SDK2: variants seen among roughly 807,000 people sequenced by gnomAD.
The protein encoded by SDK2 is sidekick cell adhesion molecule 2.
SDK2 carries 105 observed loss-of-function variants against 253.9 expected under a neutral mutation model. That is an observed-to-expected ratio of 0.41 (90% confidence interval 0.35 to 0.49). SDK2 has a LOEUF of 0.49. Ranked by LOEUF, SDK2 falls within the 20% of genes least tolerant of loss-of-function variation. The probability of loss-of-function intolerance (pLI) is 0.06; values close to 1 mark genes in which losing one functional copy is unlikely to be tolerated. For synonymous variants in SDK2, 1,249 were observed against 1,234.9 expected (o/e 1.01, Z -0.24); for missense variants, 2,608 against 3,003.0 (o/e 0.87, Z 3.07).
intron 20 of SDK2, 117 bp downstream of exon 20, chr17:73,401,537 A>G (rs1249261236): frequency 6.2e-6 from 6 of 972,230 alleles, no homozygotes; most frequent in Non-Finnish European, 8.0e-6. Context: ...TTTCTAAGAA[A>G]GCATGGGTTG....
At position 73,338,582 on chromosome 17, in the gene SDK2, T is replaced by G; in HGVS notation, c.*5A>C. The G allele has an allele frequency of 6.7e-7, 1 of 1,494,696 alleles. No homozygotes were observed. The allele number at this position is 1,494,696 out of a possible 1,614,324, so 92.6% of individuals were successfully genotyped here. On this transcript the variant is annotated 3_prime_UTR_variant, in exon 45 of 45. Transcript: ENST00000392650. The surrounding 1 kb of genome is among the most constrained non-coding windows in gnomAD (Gnocchi z 5.0). ...TTTCTCTTTCTGCTTTTTCCTCTTCTGATGTCAAACAAATGATGAAAATCC... is the reference window on the plus strand; with the variant it reads ...TTTCTCTTTCTGCTTTTTCCTCTTCGGATGTCAAACAAATGATGAAAATCC...
intron 1 of SDK2, among the ~76,000 whole-genome samples, chr17:73,613,711 C>T (rs542205308): frequency 4.6e-5 from 7 of 152,048 alleles, no homozygotes; most frequent in Admixed American, 3.3e-4. Context: ...ACGCCCCTCC[C>T]AGCTGCCCCA....
At chr17:73,350,190 T>TGGGCTCTGCTGGGCCTGGCCCCCCACCC in intron 43 of SDK2, 47 bp downstream of exon 43, 2 of 163,690 alleles carry the variant, frequency 1.2e-5, no homozygotes, top group Non-Finnish European at 1.9e-5. Flanking sequence ...TCTCCCCACC[T>TGGGCTCTGCTGGGCCTGGCCCCCCACCC]GGGCACTGCT....
chr17:73,643,810 C>T lies in SDK2; in HGVS notation c.64+215G>A, dbSNP rs2046427960. Reference sequence around the variant, plus strand: ...CTCCCCAGGTCGTCCCCACCTTCCCCCATTCGGAAGCCACAAGTCTCGGAG... The same window carrying T: ...CTCCCCAGGTCGTCCCCACCTTCCCTCATTCGGAAGCCACAAGTCTCGGAG... On this transcript the variant is annotated intron_variant, in intron 1 of 44. Transcript: ENST00000392650. This position sits in a 1 kb window ranked among gnomAD's most constrained non-coding sequence, Gnocchi z 6.9. Among the ~76,000 whole-genome samples, 1 of 152,130 alleles carries T rather than the reference C, an allele frequency of 6.6e-6. No individual in the cohort carries two copies. Among genetic ancestry groups the T allele is most frequent in the African/African-American group, 2.4e-5 (1 of 41,442 alleles).
intron 1 of SDK2, among the ~76,000 whole-genome samples, chr17:73,623,072 A>G (rs2046153712): frequency 6.6e-6 from 1 of 152,154 alleles, no homozygotes; most frequent in Non-Finnish European, 1.5e-5. Context: ...CCCAGTTCAA[A>G]TGTCCCATCT....
intron 1 of SDK2, among the ~76,000 whole-genome samples, chr17:73,572,115 T>C (rs2045397112): frequency 6.6e-6 from 1 of 152,200 alleles, no homozygotes; most frequent in African/African-American, 2.4e-5. Flanking sequence ...AGTGCAGGTG[T>C]TGTCTTCTAC....
At chr17:73,551,231 A>G (rs1301540708) in intron 1 of SDK2, among the ~76,000 whole-genome samples, 1 of 152,146 alleles carries the variant, frequency 6.6e-6, no homozygotes, top group African/African-American at 2.4e-5. Context: ...CCGGCTCCCC[A>G]TCAGCTTCTG....
intron 36 of SDK2, among the ~76,000 whole-genome samples, chr17:73,376,895 T>TGA (rs2145459360): frequency 6.6e-6 from 1 of 152,120 alleles, no homozygotes; most frequent in South Asian, 2.1e-4. Context: ...CCAGATGGAA[T>TGA]GAGACTCTTA....
chr17:73,446,317 C>G (rs2063452763), intron 5 of SDK2, among the ~76,000 whole-genome samples: 1 of 152,170 alleles, frequency 6.6e-6, no homozygotes, highest in Non-Finnish European at 1.5e-5. Context: ...GCTGCTGAGA[C>G]TTGACTGAGA....
intron 1 of SDK2, among the ~76,000 whole-genome samples, chr17:73,558,376 C>T (rs558573363): frequency 3.6e-4 from 52 of 142,962 alleles, no homozygotes; most frequent in African/African-American, 1.0e-3. Flanking sequence ...GAAAGAGACT[C>T]GGATGCCTTA....
In SDK2 at chr17:73,398,084, T is replaced by C; in HGVS notation, c.3305A>G (p.Asn1102Ser). The change falls in exon 24 of 45, where the codon AAT becomes AGT. Residue 1102 changes from asparagine to serine, a missense_variant. Physicochemically the swap from Asn to Ser is conservative, Grantham distance 46. This residue lies in a region of SDK2 where 1,505 missense variants were observed against 1,859.1 expected (regional missense o/e 0.81). Coordinates refer to ENST00000392650, the MANE Select transcript of SDK2 (RefSeq NM_001144952.2). ...LQAPPDMAPA[N>S]VSLRTASETS... Reference sequence around the variant, plus strand: ...CTCACTGGCTGTGCGCAGAGACACATTGGCTGGGGCCATGTCAGGGGGTGC... The same window carrying C: ...CTCACTGGCTGTGCGCAGAGACACACTGGCTGGGGCCATGTCAGGGGGTGC... 6.2e-7 allele frequency: 1 copy of C among 1,613,506 alleles called. No homozygotes were observed. The highest frequency in any genetic ancestry group is 8.5e-7 in the Non-Finnish European group (1 of 1,179,864).
At chr17:73,554,264 G>GC (rs1420122732) in intron 1 of SDK2, among the ~76,000 whole-genome samples, 1 of 152,224 alleles carries the variant, frequency 6.6e-6, no homozygotes, top group Non-Finnish European at 1.5e-5. Flanking sequence ...CCTAGATGAA[G>GC]CAGAACCACT....
intron 16 of SDK2, among the ~76,000 whole-genome samples, chr17:73,417,387 T>C (rs1044767517): frequency 6.1e-4 from 91 of 148,328 alleles, no homozygotes; most frequent in African/African-American, 2.1e-3. Flanking sequence ...GCCTGGGCAA[T>C]GGAGTGAGAC....
intron 42 of SDK2, 80 bp downstream of exon 42, chr17:73,350,569 AC>A (rs1323403659): frequency 6.7e-7 from 1 of 1,485,034 alleles, no homozygotes; most frequent in Non-Finnish European, 9.1e-7. Flanking sequence ...CAGGAGAGGG[AC>A]CTGATCACCC....
intron 1 of SDK2, among the ~76,000 whole-genome samples, chr17:73,588,165 G>A (rs1387906897): frequency 1.3e-5 from 2 of 151,192 alleles, no homozygotes; most frequent in East Asian, 1.9e-4. Context: ...CTGGGGTCAG[G>A]AGTTCGAGAC....
chr17:73,374,136 T>C (rs1211553480), intron 36 of SDK2, among the ~76,000 whole-genome samples: 2 of 145,232 alleles, frequency 1.4e-5, no homozygotes. Context: ...ACTCAGTTTT[T>C]GGTTTCAGGG....
At chr17:73,636,023 C>G (rs1312550152) in intron 1 of SDK2, among the ~76,000 whole-genome samples, 1 of 152,206 alleles carries the variant, frequency 6.6e-6, no homozygotes, top group South Asian at 2.1e-4. Flanking sequence ...CTCTACACCC[C>G]TCCCTGGACC....
chr17:73,620,697 C>T (rs2046122353), intron 1 of SDK2, among the ~76,000 whole-genome samples: 2 of 152,200 alleles, frequency 1.3e-5, no homozygotes, highest in Non-Finnish European at 2.9e-5. Context: ...GAATGAAGTA[C>T]TGCTACAAGC....
At chr17:73,550,919 A>T (rs554046323) in intron 1 of SDK2, among the ~76,000 whole-genome samples, 1 of 152,148 alleles carries the variant, frequency 6.6e-6, no homozygotes, top group African/African-American at 2.4e-5. Flanking sequence ...CATGGAAGCC[A>T]GTGGAGGCAG....
Sources: allele counts gnomAD v4.1 joint callset (sites outside exome capture counted in the v4.1 genomes callset), GRCh38; gene constraint gnomAD v4.1.1; regional missense constraint gnomAD v4.1.1; non-coding constraint Gnocchi (gnomAD v3.1); transcripts MANE v1.5; gene names NCBI Gene and HGNC (gene_info 2026-07-23, HGNC 2026-07-21).